Variants in NKD2 observed in about 807,000 individuals in gnomAD.
NKD2 encodes NKD inhibitor of Wnt signaling pathway 2.
Under a neutral mutation model 34.8 loss-of-function variants are expected in NKD2, and 43 were observed. That is an observed-to-expected ratio of 1.24 (90% CI 0.97 to 1.60). The LOEUF (loss-of-function observed/expected upper bound fraction) is 1.60, where lower values mean the gene tolerates loss of function less well. Ranked by LOEUF, NKD2 falls within the 40% of genes most tolerant of loss-of-function variation. NKD2 has a pLI of 0.00. For synonymous variants in NKD2, 278 were observed against 265.1 expected, an observed-to-expected ratio of 1.05 and a Z score of -0.47; for missense variants, 675 against 627.1, an observed-to-expected ratio of 1.08 and a Z score of -0.82.
chr5:1,015,082 C>T (rs1487198715), intron 3 of NKD2, among the ~76,000 whole-genome samples: 2 of 152,232 alleles, frequency 1.3e-5, no homozygotes, highest in African/African-American at 4.8e-5. Flanking sequence ...CAGCGAGGGC[C>T]ACCTGGAGAG....
At chr5:1,016,720 C>G (rs1348881901) in intron 3 of NKD2, among the ~76,000 whole-genome samples, 1 of 152,224 alleles carries the variant, frequency 6.6e-6, no homozygotes, top group Non-Finnish European at 1.5e-5. Flanking sequence ...AGGCCGTGGT[C>G]CTGCGTGGAT....
In NKD2 at chr5:1,038,038, C is replaced by T. The variant is rs1300055482; in HGVS notation, c.1021C>T (p.Pro341Ser). The T allele has an allele frequency of 6.2e-7, 1 of 1,609,340 alleles. No homozygotes were observed. Among genetic ancestry groups the T allele is most frequent in the East Asian group, 2.2e-5 (1 of 44,828 alleles). The change falls in exon 10 of 10, where the codon CCT (proline) becomes TCT (serine). Residue 341 changes from proline to serine, a missense_variant. Transcript: ENST00000296849. This position sits in a 1 kb window ranked among gnomAD's most constrained non-coding sequence, Gnocchi z 4.5. ...GTCCCCCAAGGGCTCCGGGAAGCCG[C>T]CTGGGGTGCCAGCCAGCAGCAAGTC... is the stretch of plus-strand genomic sequence containing the variant. ...LKSPKGSGKP[P>S]GVPASSKSGK...
At chr5:1,033,525 C>A in intron 5 of NKD2, 26 bp downstream of exon 5, 2 of 1,533,260 alleles carry the variant, frequency 1.3e-6, no homozygotes, top group Middle Eastern at 1.7e-4. Context: ...GCCTCACTTG[C>A]GGGAACACGT....
intron 3 of NKD2, among the ~76,000 whole-genome samples, chr5:1,018,885 A>G (rs1261252994): frequency 6.6e-6 from 1 of 152,078 alleles, no homozygotes; most frequent in Non-Finnish European, 1.5e-5. Flanking sequence ...CTGGGCCCAC[A>G]GGGAGGAACA....
chr5:1,022,912 T>G (rs376249515), intron 3 of NKD2, among the ~76,000 whole-genome samples: 1 of 6,372 alleles, frequency 1.6e-4, no homozygotes, highest in African/African-American at 1.6e-4. Context: ...CTTCCCACCC[T>G]CTGTGGGTGT....
In NKD2 at chr5:1,009,828, G is replaced by T. The variant is rs942716152; in HGVS notation, c.141+268G>T. Among the ~76,000 whole-genome samples the T allele has an allele frequency of 2.6e-5, 4 of 152,236 alleles. No homozygotes were observed. In the South Asian group the frequency reaches 8.3e-4, roughly 32 times the overall value. ...GTCCTAGGCTGGGAGCCGTGTGGGG[G>T]CTCCATGTTTCGGGCTGGAGGAGCT... On this transcript the variant is annotated intron_variant, in intron 3 of 9. Coordinates refer to ENST00000296849, the MANE Select transcript of NKD2 (RefSeq NM_033120.4). This position sits in a 1 kb window ranked among gnomAD's most constrained non-coding sequence, Gnocchi z 6.9.
intron 3 of NKD2, among the ~76,000 whole-genome samples, chr5:1,010,217 C>G (rs1161615768): frequency 1.3e-5 from 2 of 152,114 alleles, no homozygotes; most frequent in Non-Finnish European, 2.9e-5. Flanking sequence ...GTCTGGGGCC[C>G]TGGAAGGGCC....
chr5:1,018,446 C>T (rs918268964), intron 3 of NKD2, among the ~76,000 whole-genome samples: 8 of 152,220 alleles, frequency 5.3e-5, no homozygotes, highest in African/African-American at 1.2e-4. Flanking sequence ...TAAAACAAAG[C>T]GGACATGGGC....
At chr5:1,027,143 GGGAGGT>G (rs1756450148) in intron 3 of NKD2, among the ~76,000 whole-genome samples, 1 of 152,250 alleles carries the variant, frequency 6.6e-6, no homozygotes, top group African/African-American at 2.4e-5. Context: ...GCCAAGGACA[GGGAGGT>G]GCACCAAGGC....
In NKD2 at chr5:1,014,503, G is replaced by A. The variant is rs75857796; in HGVS notation, c.141+4943G>A. Among the ~76,000 whole-genome samples the A allele has an allele frequency of 3.9e-5, 6 of 152,332 alleles. No individual in the cohort carries two copies. In the East Asian group the frequency reaches 1.2e-3, roughly 29 times the overall value. ...TGGGCCCCTGCTGTGCATGCCTCCC[G>A]TGTGAGCAGCAAGGTGATGGTGAGA... On this transcript the variant is annotated intron_variant, in intron 3 of 9. Coordinates refer to ENST00000296849, the MANE Select transcript of NKD2 (RefSeq NM_033120.4).
chr5:1,016,139 C>T (rs995846592), intron 3 of NKD2, among the ~76,000 whole-genome samples: 1 of 152,254 alleles, frequency 6.6e-6, no homozygotes, highest in African/African-American at 2.4e-5. Flanking sequence ...GGGCGGAGCT[C>T]GTGGTGCTGG....
intron 3 of NKD2, among the ~76,000 whole-genome samples, chr5:1,019,874 C>T (rs781685162): frequency 7.2e-5 from 11 of 152,036 alleles, no homozygotes; most frequent in Non-Finnish European, 1.0e-4. Context: ...GGGTTTTTCC[C>T]GGGGAAGAAT....
chr5:1,013,401 T>C (rs187795416), intron 3 of NKD2, among the ~76,000 whole-genome samples: 73 of 152,280 alleles, frequency 4.8e-4, no homozygotes, highest in African/African-American at 1.7e-3. Flanking sequence ...TACCCTGGGA[T>C]GTGGCCCAGC....
At chr5:1,033,623 A>C (rs1756735584) in intron 5 of NKD2, 124 bp downstream of exon 5, 2 of 1,194,270 alleles carry the variant, frequency 1.7e-6, no homozygotes, top group Non-Finnish European at 1.1e-6. Context: ...TCTTCCCCAC[A>C]GTTCACCCCG....
chr5:1,024,038 G>A (rs1477218749), intron 3 of NKD2, among the ~76,000 whole-genome samples: 1 of 2,872 alleles, frequency 3.5e-4, no homozygotes, highest in African/African-American at 3.8e-4. Context: ...GTCCCAGCCC[G>A]TTGTCCCTGC....
intron 4 of NKD2, 43 bp downstream of exon 4, chr5:1,032,255 C>T: frequency 1.3e-6 from 2 of 1,511,264 alleles, no homozygotes; most frequent in Non-Finnish European, 9.2e-7. Flanking sequence ...AACTCACAGA[C>T]TTCATCCCGT....
At chr5:1,035,301 A>AAT in intron 7 of NKD2, 88 bp from the exon 8 acceptor site, 8 of 1,017,316 alleles carry the variant, frequency 7.9e-6, no homozygotes, top group African/African-American at 5.7e-5. Context: ...TGAATGAATG[A>AAT]GTGAGTGAGT....
chr5:1,032,267 C>T, intron 4 of NKD2, 55 bp downstream of exon 4: 2 of 1,441,424 alleles, frequency 1.4e-6, no homozygotes, highest in Non-Finnish European at 1.9e-6. Flanking sequence ...TCATCCCGTA[C>T]CAAGGCAACG....
chr5:1,033,367 C>G lies in NKD2; in HGVS notation c.203-5C>G, dbSNP rs962982365. The G allele has an allele frequency of 8.8e-6, 14 of 1,596,302 alleles. No homozygotes were observed. The highest frequency in any genetic ancestry group is 1.2e-5 in the Non-Finnish European group (14 of 1,172,134). Reference sequence around the variant, plus strand: ...CAGCCCCTTCGCCTCCTCTTGTCCCCCTAGTGGCACTCCCCGCTGAGAAAG... The same window carrying G: ...CAGCCCCTTCGCCTCCTCTTGTCCCGCTAGTGGCACTCCCCGCTGAGAAAG... On this transcript the variant is annotated splice_region_variant and splice_polypyrimidine_tract_variant and intron_variant, in intron 4 of 9. Transcript: ENST00000296849.
Sources: gnomAD v4.1 joint callset for allele counts (sites outside exome capture counted in the v4.1 genomes callset) on GRCh38, gnomAD v4.1.1 for gene constraint, Gnocchi (gnomAD v3.1) non-coding constraint, MANE v1.5 for transcripts, NCBI Gene and HGNC (gene_info 2026-07-23, HGNC 2026-07-21) for gene names.